RAD54B: variants seen among roughly 807,000 people sequenced by gnomAD.
RAD54B encodes DNA repair and recombination protein RAD54B.
RAD54B carries 78 observed loss-of-function variants against 95.8 expected under a neutral mutation model. The observed-to-expected ratio is 0.81, with a 90% CI of 0.68 to 0.98. The LOEUF is 0.98. Ranked by LOEUF, RAD54B falls within the 50% of genes least tolerant of loss-of-function variation. The pLI is 0.00. For missense variants in RAD54B, 957 were observed against 1,056.6 expected (o/e 0.91, Z 1.31); for synonymous variants, 328 against 354.9 (o/e 0.92, Z 0.85).
intron 14 of RAD54B, among the ~76,000 whole-genome samples, chr8:94,377,512 G>GGCAACAGA (rs1441575877): frequency 5.7e-5 from 7 of 123,510 alleles, no homozygotes; most frequent in Admixed American, 1.0e-4. Context: ...CTCCAGCCTG[G>GGCAACAGA]GCAACAGAGC....
intron 3 of RAD54B, among the ~76,000 whole-genome samples, chr8:94,425,416 T>A (rs2130082199): frequency 6.6e-6 from 1 of 152,118 alleles, no homozygotes; most frequent in Non-Finnish European, 1.5e-5. Flanking sequence ...CAAATGAAAA[T>A]TTAAAATGTC....
At chr8:94,400,116 T>C in intron 7 of RAD54B, 122 bp downstream of exon 7, 2 of 839,826 alleles carry the variant, frequency 2.4e-6, no homozygotes, top group Admixed American at 2.8e-5. Flanking sequence ...AAAACCAAAA[T>C]GTAAGCTAAA....
At chr8:94,416,690 C>T (rs148329009) in intron 3 of RAD54B, among the ~76,000 whole-genome samples, 1,617 of 152,200 alleles carry the variant, frequency 0.011, 27 homozygotes, top group South Asian at 0.078. Flanking sequence ...AATACCACTT[C>T]ACAACCATTA....
intron 3 of RAD54B, among the ~76,000 whole-genome samples, chr8:94,434,983 CTG>C (rs1306354915): frequency 2.0e-5 from 3 of 151,802 alleles, no homozygotes; most frequent in African/African-American, 7.2e-5. Flanking sequence ...CTTCTACTCA[CTG>C]TTATTTTTAA....
intron 4 of RAD54B, among the ~76,000 whole-genome samples, chr8:94,409,120 T>A (rs1239864809): frequency 6.6e-6 from 1 of 152,068 alleles, no homozygotes; most frequent in Non-Finnish European, 1.5e-5. Context: ...ATCTTTACAT[T>A]AACAAATTTA....
At chr8:94,373,402 G>T (rs921052132) in intron 14 of RAD54B, among the ~76,000 whole-genome samples, 1 of 35,918 alleles carries the variant, frequency 2.8e-5, no homozygotes, top group Non-Finnish European at 1.8e-4. Flanking sequence ...TTGCCACTGA[G>T]TCTGGCCTTA....
intron 3 of RAD54B, 84 bp from the exon 4 acceptor site, chr8:94,411,399 C>A: frequency 9.8e-7 from 1 of 1,020,184 alleles, no homozygotes; most frequent in Non-Finnish European, 1.4e-6. Flanking sequence ...CCAAAAGGCA[C>A]AAGAAAATTA....
intron 1 of RAD54B, among the ~76,000 whole-genome samples, chr8:94,474,045 T>A (rs1285529364): frequency 1.3e-5 from 2 of 152,206 alleles, no homozygotes; most frequent in Admixed American, 1.3e-4. Flanking sequence ...TAAAAAGGAA[T>A]GAAATCATGT....
chr8:94,412,524 G>A (rs2130043169), intron 3 of RAD54B, among the ~76,000 whole-genome samples: 1 of 152,048 alleles, frequency 6.6e-6, no homozygotes, highest in Admixed American at 6.6e-5. Flanking sequence ...CACCTAACTT[G>A]CACACACTAG....
At chr8:94,418,269 T>C (rs1356057160) in intron 3 of RAD54B, among the ~76,000 whole-genome samples, 1 of 152,184 alleles carries the variant, frequency 6.6e-6, no homozygotes, top group African/African-American at 2.4e-5. Flanking sequence ...TTGTGGAAGA[T>C]AAAGTCCAAG....
intron 3 of RAD54B, among the ~76,000 whole-genome samples, chr8:94,442,910 G>A (rs1250073671): frequency 2.0e-5 from 3 of 152,056 alleles, no homozygotes; most frequent in Admixed American, 6.5e-5. Context: ...AGTCAGCATT[G>A]TCCCGCAATG....
chr8:94,402,898 T>C (rs1001006236), intron 6 of RAD54B, among the ~76,000 whole-genome samples: 1 of 152,126 alleles, frequency 6.6e-6, no homozygotes, highest in Non-Finnish European at 1.5e-5. Context: ...ACAGAAAAGA[T>C]TAGGAAACAA....
chr8:94,409,939 T>G (rs181366627), intron 4 of RAD54B, among the ~76,000 whole-genome samples: 1 of 152,242 alleles, frequency 6.6e-6, no homozygotes, highest in Admixed American at 6.5e-5. Context: ...TTAACCAACA[T>G]AGAATGTGTA....
chr8:94,448,392 T>C (rs971193409), intron 3 of RAD54B, among the ~76,000 whole-genome samples: 1 of 152,062 alleles, frequency 6.6e-6, no homozygotes, highest in Non-Finnish European at 1.5e-5. Flanking sequence ...TGAAGATTGG[T>C]GCAGCCATTA....
At chr8:94,387,246 G>A (rs1810911357) in intron 10 of RAD54B, 87 bp from the exon 11 acceptor site, 2 of 1,128,308 alleles carry the variant, frequency 1.8e-6, no homozygotes, top group South Asian at 1.7e-5. Context: ...AAGGAAAAAG[G>A]TGAAGATTAA....
chr8:94,474,818 A>T (rs1351910494), intron 1 of RAD54B, among the ~76,000 whole-genome samples, 183 bp downstream of exon 1: 1 of 152,194 alleles, frequency 6.6e-6, no homozygotes, highest in Non-Finnish European at 1.5e-5. Context: ...CCCCGGGGCC[A>T]GCAACCAGGG....
intron 2 of RAD54B, among the ~76,000 whole-genome samples, chr8:94,459,628 G>A (rs1812855967): frequency 6.6e-6 from 1 of 151,522 alleles, no homozygotes; most frequent in Non-Finnish European, 1.5e-5. Context: ...GGGAGGCCAA[G>A]GCAGGTGGAT....
At chr8:94,389,057 G>A (rs1220762719) in intron 10 of RAD54B, among the ~76,000 whole-genome samples, 1 of 152,164 alleles carries the variant, frequency 6.6e-6, no homozygotes, top group African/African-American at 2.4e-5. Flanking sequence ...CGTCCCCAGG[G>A]AAAGTCAAAC....
chr8:94,445,490 G>A (rs919895618), intron 3 of RAD54B, among the ~76,000 whole-genome samples: 1 of 152,056 alleles, frequency 6.6e-6, no homozygotes, highest in Non-Finnish European at 1.5e-5. Context: ...ATGGAGCTCA[G>A]CTCTTTCCCC....
Sources: gnomAD v4.1 joint callset for allele counts (sites outside exome capture counted in the v4.1 genomes callset) on GRCh38, gnomAD v4.1.1 for gene constraint, MANE v1.5 for transcripts, NCBI Gene and HGNC (gene_info 2026-07-23, HGNC 2026-07-21) for gene names.